MCM9: variants seen among roughly 807,000 people sequenced by gnomAD.
MCM9 encodes minichromosome maintenance 9 homologous recombination repair factor, also known as DNA helicase MCM9.
Under a neutral mutation model 72.8 loss-of-function variants are expected in MCM9, and 55 were observed. The observed-to-expected ratio is 0.76, with a 90% CI of 0.61 to 0.95. The LOEUF (loss-of-function observed/expected upper bound fraction) is 0.95, where lower values mean the gene tolerates loss of function less well. MCM9 is among the 40% of genes least tolerant of loss of function. The pLI is 0.00. For synonymous variants in MCM9, 480 were observed against 503.4 expected (o/e 0.95, Z 0.62); for missense variants, 1,279 against 1,377.0 (o/e 0.93, Z 1.13).
intron 10 of MCM9, among the ~76,000 whole-genome samples, chr6:118,828,683 C>A (rs940619911): frequency 6.6e-6 from 1 of 152,180 alleles, no homozygotes; most frequent in African/African-American, 2.4e-5. Flanking sequence ...CCACGCCCGG[C>A]CTGAGTAAAT....
chr6:118,894,313 G>T, intron 8 of MCM9: 1 of 1,500,606 alleles, frequency 6.7e-7, no homozygotes, highest in Non-Finnish European at 8.9e-7. Flanking sequence ...ACGTCTGGCC[G>T]GCGCTGGAGC....
chr6:118,827,378 A>T (rs1282203003), intron 11 of MCM9, among the ~76,000 whole-genome samples: 1 of 152,168 alleles, frequency 6.6e-6, no homozygotes, highest in East Asian at 1.9e-4. Context: ...TTTATTATTC[A>T]GTTCATGTGA....
chr6:118,895,330 T>C (rs1198647223), intron 8 of MCM9, among the ~76,000 whole-genome samples: 3 of 152,022 alleles, frequency 2.0e-5, no homozygotes, highest in Non-Finnish European at 4.4e-5. Context: ...TTTCCCCTAA[T>C]GACGAAAAGC....
At chr6:118,901,397 T>C (rs1179516585) in intron 8 of MCM9, among the ~76,000 whole-genome samples, 1 of 152,210 alleles carries the variant, frequency 6.6e-6, no homozygotes, top group Non-Finnish European at 1.5e-5. Flanking sequence ...TAGAGATGTG[T>C]GGTCTTGGGT....
rs773218178 is a variant in MCM9 at position 118,815,383 on chromosome 6, C to T, written c.2873G>A (p.Arg958His). ...CAAGGCTGCGTCTCTTCTTGTTCTA[C>T]GCTGGGAAATTTTAGGACTATGAAC... is the stretch of plus-strand genomic sequence containing the variant. The part of the protein sequence containing the change: ...IAVHSPKISQ[R>H]RTRRDAALPV... The change falls in exon 14 of 14, where the codon CGT becomes CAT. Residue 958 changes from arginine to histidine, a missense_variant. Coordinates refer to ENST00000619706, the MANE Select transcript of MCM9 (RefSeq NM_017696.3). The T allele has an allele frequency of 8.4e-6, 13 of 1,550,190 alleles. No individual in the cohort carries two copies. The highest frequency in any genetic ancestry group is 2.7e-5 in the African/African-American group (2 of 73,008).
At chr6:118,910,547 G>A (rs921008781) in intron 8 of MCM9, 1 of 899,568 alleles carries the variant, frequency 1.1e-6, no homozygotes, top group Non-Finnish European at 1.3e-6. Flanking sequence ...AGATGGCTTG[G>A]ACTCATTTCT....
At position 118,828,140 on chromosome 6, in the gene MCM9, T is replaced by C. The variant is rs1029931295; in HGVS notation, c.1529-10A>G. ...GATTTGCTTGGGTAACCTGTATGTA[T>C]CAGGTGTTGGGTCAGTAAGTTCTTA... On this transcript the variant is annotated splice_polypyrimidine_tract_variant and intron_variant, in intron 10 of 13. Transcript: ENST00000619706. 1.9e-6 allele frequency: 3 copies of C among 1,546,052 alleles called. No individual in the cohort carries two copies. Among genetic ancestry groups the C allele is most frequent in the Non-Finnish European group, 2.6e-6 (3 of 1,143,534 alleles).
intron 8 of MCM9, among the ~76,000 whole-genome samples, chr6:118,888,468 C>T (rs550694561): frequency 6.6e-6 from 1 of 152,248 alleles, no homozygotes; most frequent in East Asian, 1.9e-4. Context: ...GCCTGGGTGA[C>T]AGAGTGAGAC....
chr6:118,893,623 G>C (rs1779098764), intron 8 of MCM9, among the ~76,000 whole-genome samples: 1 of 152,134 alleles, frequency 6.6e-6, no homozygotes, highest in Admixed American at 6.5e-5. Context: ...CCAAGAGCTA[G>C]ATTTCCAAAA....
At chr6:118,824,895 A>T (rs1048708375) in intron 13 of MCM9, among the ~76,000 whole-genome samples, 1 of 152,160 alleles carries the variant, frequency 6.6e-6, no homozygotes, top group African/African-American at 2.4e-5. Context: ...CCTCTACATT[A>T]TAAATAAATA....
intron 6 of MCM9, among the ~76,000 whole-genome samples, chr6:118,916,332 G>C (rs117825838): frequency 0.039 from 5,530 of 143,580 alleles, 166 homozygotes; most frequent in Non-Finnish European, 0.06. Context: ...GAAAGATCAG[G>C]AACTACTAAT....
rs575498589 is a variant in MCM9, at chr6:118,829,044, G to A, written c.1528+4C>T. The A allele has an allele frequency of 5.3e-5, 82 of 1,549,600 alleles. No homozygotes were observed. The highest frequency in any genetic ancestry group is 4.8e-4 in the African/African-American group (35 of 73,098). ...TTTTGAATGCTTTGTTTGTCTTCAC[G>A]TACCTTTATTTTCTAAGATAAAGGA... On this transcript the variant is annotated splice_donor_region_variant and intron_variant, in intron 10 of 13. Transcript: ENST00000619706.
At chr6:118,831,123 C>T (rs1381424395) in intron 9 of MCM9, among the ~76,000 whole-genome samples, 5 of 152,176 alleles carry the variant, frequency 3.3e-5, no homozygotes, top group African/African-American at 9.6e-5. Context: ...AAGAATCATG[C>T]TGGTGGATCG....
At chr6:118,843,473 A>T (rs1448952922) in intron 9 of MCM9, among the ~76,000 whole-genome samples, 2 of 150,994 alleles carry the variant, frequency 1.3e-5, no homozygotes, top group Admixed American at 1.3e-4. Flanking sequence ...TACTAAAAAT[A>T]CAAAATTAGC....
At chr6:118,917,522 A>G (rs768339850) in intron 6 of MCM9, 39 bp downstream of exon 6, 7 of 1,567,460 alleles carry the variant, frequency 4.5e-6, no homozygotes, top group Non-Finnish European at 6.1e-6. Context: ...TGAATGTAAT[A>G]CCATTAATAA....
At chr6:118,911,524 A>G in intron 8 of MCM9, 126 bp downstream of exon 8, 1 of 1,394,986 alleles carries the variant, frequency 7.2e-7, no homozygotes, top group Non-Finnish European at 9.3e-7. Flanking sequence ...ATTTCCTTCC[A>G]TTTTTAGTGG....
chr6:118,863,674 A>C (rs1401254692), intron 8 of MCM9, among the ~76,000 whole-genome samples: 1 of 152,204 alleles, frequency 6.6e-6, no homozygotes, highest in Non-Finnish European at 1.5e-5. Flanking sequence ...AGATGAGATC[A>C]TGAGGATGGG....
rs368769518 is a variant in MCM9 at position 118,861,737 on chromosome 6, G to A, written c.1151-5192C>T. Among the ~76,000 whole-genome samples the A allele has an allele frequency of 9.2e-5, 14 of 152,264 alleles. No individual in the cohort carries two copies. In the East Asian group the frequency reaches 1.5e-3, roughly 17 times the overall value. ...AGGAAGTGCATGCTGACTGGTCCAC[G>A]GGTGGACCTGGAAAAAGCACCATAA... On this transcript the variant is annotated intron_variant, in intron 8 of 13. Coordinates refer to ENST00000619706, the MANE Select transcript of MCM9 (RefSeq NM_017696.3).
intron 9 of MCM9, among the ~76,000 whole-genome samples, chr6:118,831,606 T>A (rs1583360365): frequency 6.6e-6 from 1 of 151,148 alleles, no homozygotes; most frequent in East Asian, 2.0e-4. Flanking sequence ...GGTACAGACC[T>A]GTGATACAAA....
Sources: allele counts gnomAD v4.1 joint callset (sites outside exome capture counted in the v4.1 genomes callset), GRCh38; gene constraint gnomAD v4.1.1; transcripts MANE v1.5; gene names NCBI Gene and HGNC (gene_info 2026-07-23, HGNC 2026-07-21).